Variants in ZHX3 observed in about 807,000 individuals in gnomAD.
The protein encoded by ZHX3 is zinc fingers and homeoboxes 3.
In ZHX3, 20 loss-of-function variants were observed where a neutral mutation model predicts 64.5. The ratio of observed to expected loss-of-function variants is 0.31; its 90% confidence interval spans 0.22 to 0.45. ZHX3 has a LOEUF of 0.45. Ranked by LOEUF, ZHX3 falls within the 20% of genes least tolerant of loss-of-function variation. ZHX3 has a pLI of 1.00. For synonymous variants in ZHX3, 423 were observed against 461.6 expected, an observed-to-expected ratio of 0.92 and a Z score of 1.07; for missense variants, 1,041 against 1,195.8, an observed-to-expected ratio of 0.87 and a Z score of 1.91.
rs2037433355 is a variant in ZHX3 at position 41,195,767 on chromosome 20, T to C, written c.2860+6290A>G. Among the ~76,000 whole-genome samples the C allele has an allele frequency of 6.6e-6, 1 of 152,212 alleles. No individual in the cohort carries two copies. The highest frequency in any genetic ancestry group is 6.5e-5 in the Admixed American group (1 of 15,288). Reference sequence around the variant, plus strand: ...ACAGCTACAGATTTACCTCTTAGGATTGCTTTCACTATGTGTCATAAGTTC... The same window carrying C: ...ACAGCTACAGATTTACCTCTTAGGACTGCTTTCACTATGTGTCATAAGTTC... On this transcript the variant is annotated intron_variant, in intron 3 of 3. Transcript: ENST00000683867. The surrounding 1 kb of genome is among the most constrained non-coding windows in gnomAD (Gnocchi z 4.2).
At chr20:41,198,714 T>G (rs985158674) in intron 3 of ZHX3, among the ~76,000 whole-genome samples, 1 of 152,150 alleles carries the variant, frequency 6.6e-6, no homozygotes, top group African/African-American at 2.4e-5. Flanking sequence ...GCTTTTTGGA[T>G]GTGTAGATTC....
chr20:41,229,101 C>T (rs1442868808), intron 2 of ZHX3, among the ~76,000 whole-genome samples: 1 of 152,126 alleles, frequency 6.6e-6, no homozygotes, highest in Non-Finnish European at 1.5e-5. Flanking sequence ...CTGACAACTA[C>T]CATTCTGCTT....
intron 3 of ZHX3, chr20:41,188,408 C>CCCCCT (rs2036714522): frequency 2.2e-4 from 23 of 102,624 alleles, no homozygotes; most frequent in Non-Finnish European, 2.9e-4. Flanking sequence ...CCACCCCCAC[C>CCCCCT]TTTTTTTTTT....
intron 2 of ZHX3, among the ~76,000 whole-genome samples, chr20:41,242,344 C>T (rs1233376539): frequency 1.3e-5 from 2 of 152,198 alleles, no homozygotes; most frequent in African/African-American, 4.8e-5. Flanking sequence ...CCAGGTACTC[C>T]CAATTCCAAA....
chr20:41,297,221 A>C lies in ZHX3; in HGVS notation c.-245+20288T>G, dbSNP rs143809295. Among the ~76,000 whole-genome samples the C allele has an allele frequency of 3.4e-3, 525 of 152,302 alleles. 6 individuals are homozygous for C. The highest frequency in any genetic ancestry group is 0.012 in the African/African-American group (497 of 41,558). Reference sequence around the variant, plus strand: ...GCAGGCAGGATCTGATAATTCTAAAATACTCCCAAGTATTGATGATTCAAA... The same window carrying C: ...GCAGGCAGGATCTGATAATTCTAAACTACTCCCAAGTATTGATGATTCAAA... On this transcript the variant is annotated intron_variant, in intron 1 of 3. Transcript: ENST00000683867.
At chr20:41,199,537 T>A (rs1274122708) in intron 3 of ZHX3, among the ~76,000 whole-genome samples, 1 of 151,938 alleles carries the variant, frequency 6.6e-6, no homozygotes, top group Non-Finnish European at 1.5e-5. Flanking sequence ...TCCTTAAATA[T>A]CTGGCTTGCC....
intron 3 of ZHX3, among the ~76,000 whole-genome samples, chr20:41,191,462 T>C (rs961334516): frequency 6.6e-6 from 1 of 152,230 alleles, no homozygotes; most frequent in Admixed American, 6.5e-5. Flanking sequence ...TGAGCTTCCT[T>C]ACACTCAATA....
At chr20:41,263,901 G>T (rs937328917) in intron 2 of ZHX3, among the ~76,000 whole-genome samples, 1 of 151,938 alleles carries the variant, frequency 6.6e-6, no homozygotes, top group East Asian at 1.9e-4. Flanking sequence ...ACTAAAAGTT[G>T]CTGTGAATAG....
intron 2 of ZHX3, among the ~76,000 whole-genome samples, chr20:41,220,878 GA>G (rs2039897524): frequency 6.6e-6 from 1 of 151,462 alleles, no homozygotes; most frequent in Non-Finnish European, 1.5e-5. Context: ...TTGTAGAGAT[GA>G]GGTTTCGCCA....
intron 2 of ZHX3, among the ~76,000 whole-genome samples, chr20:41,206,896 A>G (rs1321197212): frequency 6.6e-6 from 1 of 152,242 alleles, no homozygotes; most frequent in Non-Finnish European, 1.5e-5. Context: ...GGGCAGCCAG[A>G]GAGAAAGGTC....
chr20:41,304,577 A>ATG (rs745317031), intron 1 of ZHX3, among the ~76,000 whole-genome samples: 10 of 152,226 alleles, frequency 6.6e-5, no homozygotes, highest in Admixed American at 2.6e-4. Context: ...AACTATATAT[A>ATG]TGTGTGTGTG....
intron 3 of ZHX3, among the ~76,000 whole-genome samples, chr20:41,196,438 A>AT: frequency 1.5e-5 from 1 of 66,294 alleles, no homozygotes; most frequent in Non-Finnish European, 2.5e-5. Flanking sequence ...ATATAAATAT[A>AT]TATATTATAT....
intron 2 of ZHX3, among the ~76,000 whole-genome samples, chr20:41,208,876 G>A (rs6029567): frequency 8.5e-5 from 13 of 152,214 alleles, no homozygotes; most frequent in Admixed American, 3.9e-4. Flanking sequence ...AAGGTTATTC[G>A]ATTAGGAAAA....
chr20:41,315,285 C>G (rs1405806959), intron 1 of ZHX3, among the ~76,000 whole-genome samples: 1 of 149,380 alleles, frequency 6.7e-6, no homozygotes, highest in African/African-American at 2.5e-5. Context: ...CGGGTTCAAG[C>G]AATTCTCCTG....
chr20:41,273,064 G>A lies in ZHX3; in HGVS notation c.-244-3981C>T, dbSNP rs556305990. On this transcript the variant is annotated intron_variant, in intron 1 of 3. Transcript: ENST00000683867. ...ATTTTGTTTTTGTTTTGTTTTTAAA[G>A]TATAGACATCTTAGTAGGTGTGAAA... Among the ~76,000 whole-genome samples the A allele has an allele frequency of 2.6e-5, 4 of 152,182 alleles. No individual in the cohort carries two copies. The South Asian group carries it at 8.3e-4, about 32-fold the overall frequency.
chr20:41,191,782 CT>C (rs1490361631), intron 3 of ZHX3, among the ~76,000 whole-genome samples: 3 of 152,176 alleles, frequency 2.0e-5, no homozygotes, highest in Non-Finnish European at 2.9e-5. Context: ...TCAGTGGTAT[CT>C]GTGATTTCCT....
intron 2 of ZHX3, among the ~76,000 whole-genome samples, chr20:41,208,191 C>T (rs2038880886): frequency 6.6e-6 from 1 of 152,160 alleles, no homozygotes; most frequent in Admixed American, 6.5e-5. Context: ...GAAATTAAGG[C>T]AATAATCAAT....
intron 2 of ZHX3, among the ~76,000 whole-genome samples, chr20:41,231,327 G>A (rs912582711): frequency 2.0e-5 from 3 of 152,122 alleles, no homozygotes; most frequent in Non-Finnish European, 4.4e-5. Context: ...GCATCTTCCT[G>A]TCTTTCCAGT....
chr20:41,249,473 C>G (rs1293337683), intron 2 of ZHX3, among the ~76,000 whole-genome samples: 1 of 152,092 alleles, frequency 6.6e-6, no homozygotes, highest in Non-Finnish European at 1.5e-5. Flanking sequence ...AAAGCAGACA[C>G]GAAGAACTGA....
Sources: gnomAD v4.1 joint callset for allele counts (sites outside exome capture counted in the v4.1 genomes callset) on GRCh38, gnomAD v4.1.1 for gene constraint, Gnocchi (gnomAD v3.1) non-coding constraint, MANE v1.5 for transcripts, NCBI Gene and HGNC (gene_info 2026-07-23, HGNC 2026-07-21) for gene names.